TMEM117: variants seen among roughly 807,000 people sequenced by gnomAD.
TMEM117 encodes transmembrane protein 117.
In TMEM117, 27 loss-of-function variants were observed where a neutral mutation model predicts 52.4. The ratio of observed to expected loss-of-function variants is 0.51; its 90% CI spans 0.38 to 0.71. The LOEUF (loss-of-function observed/expected upper bound fraction) is 0.71. Among genes scored for constraint, TMEM117 ranks in the 30% least tolerant of loss-of-function variants. TMEM117 has a pLI of 0.00. For synonymous variants in TMEM117, 215 were observed against 206.3 expected (o/e 1.04, Z -0.36); for missense variants, 556 against 630.5 (o/e 0.88, Z 1.26).
chr12:44,049,934 G>A (rs1946943287), intron 3 of TMEM117, among the ~76,000 whole-genome samples: 1 of 152,134 alleles, frequency 6.6e-6, no homozygotes, highest in Non-Finnish European at 1.5e-5. Flanking sequence ...GAGTAATAAA[G>A]TTTTATTTTA....
chr12:43,913,744 C>T (rs546898483), intron 2 of TMEM117, among the ~76,000 whole-genome samples: 35 of 152,132 alleles, frequency 2.3e-4, no homozygotes, highest in Non-Finnish European at 3.8e-4. Flanking sequence ...CACAGAATCA[C>T]ACAACATGCT....
chr12:44,030,777 A>G (rs1324574846), intron 3 of TMEM117, among the ~76,000 whole-genome samples: 1 of 152,216 alleles, frequency 6.6e-6, no homozygotes, highest in African/African-American at 2.4e-5. Flanking sequence ...AAATGAGTTA[A>G]GTTAAATAGG....
chr12:43,906,807 C>T (rs533303438), intron 2 of TMEM117, among the ~76,000 whole-genome samples: 1 of 152,368 alleles, frequency 6.6e-6, no homozygotes, highest in South Asian at 2.1e-4. Flanking sequence ...AAACGGCGCA[C>T]CAGGAGATTA....
intron 3 of TMEM117, among the ~76,000 whole-genome samples, chr12:44,141,984 T>C (rs1487238244): frequency 6.6e-6 from 1 of 152,230 alleles, no homozygotes; most frequent in African/African-American, 2.4e-5. Context: ...TTGTGTTTTA[T>C]ATCTTCACTA....
chr12:44,142,305 G>T (rs892798202), intron 3 of TMEM117, among the ~76,000 whole-genome samples: 2 of 152,098 alleles, frequency 1.3e-5, no homozygotes, highest in African/African-American at 4.8e-5. Flanking sequence ...CCAGAATTTT[G>T]GGGTTGTCCT....
the TMEM117 span, among the ~76,000 whole-genome samples, chr12:43,821,971 C>A: frequency 6.6e-6 from 1 of 152,148 alleles, no homozygotes; most frequent in South Asian, 2.1e-4. Context: ...GTGGGTGTGA[C>A]CATGTTGTTG....
chr12:43,800,416 C>T, the TMEM117 span: 1 of 1,577,180 alleles, frequency 6.3e-7, no homozygotes, highest in South Asian at 1.1e-5. Flanking sequence ...CATATAGAAT[C>T]CACATACAAA....
At chr12:43,820,638 G>A in the TMEM117 span, among the ~76,000 whole-genome samples, 1 of 150,224 alleles carries the variant, frequency 6.7e-6, no homozygotes, top group African/African-American at 2.5e-5. Flanking sequence ...TATGTAGCAA[G>A]CATTGTTATT....
chr12:43,802,507 A>G, the TMEM117 span: 1 of 1,419,278 alleles, frequency 7.0e-7, no homozygotes, highest in Non-Finnish European at 9.8e-7. Flanking sequence ...ATGGTTTGAG[A>G]TATCAAGTGG....
intron 3 of TMEM117, among the ~76,000 whole-genome samples, chr12:43,949,348 TCTC>T (rs1945184190): frequency 6.6e-6 from 1 of 152,208 alleles, no homozygotes; most frequent in African/African-American, 2.4e-5. Context: ...TTGCATTTCT[TCTC>T]CGCTGATTCT....
chr12:44,048,175 T>A (rs568271905), intron 3 of TMEM117, among the ~76,000 whole-genome samples: 13 of 152,304 alleles, frequency 8.5e-5, no homozygotes, highest in Non-Finnish European at 1.6e-4. Context: ...TACACTCTTA[T>A]AGTTAGAGAT....
rs771194356 is a variant in TMEM117, at chr12:44,032,095, A to G, written c.410+87753A>G. Among the ~76,000 whole-genome samples the G allele has an allele frequency of 9.7e-4, 148 of 152,214 alleles. 2 individuals are homozygous for G. The highest frequency in any genetic ancestry group is 1.3e-3 in the Non-Finnish European group (87 of 68,032). ...ACTCAACTCATAGGTATTTGATGGT[A>G]CAAACCCATGGCTGTGCTCAGCTTT... On this transcript the variant is annotated intron_variant, in intron 3 of 7. Transcript: ENST00000266534.
At chr12:44,140,986 T>C (rs947910607) in intron 3 of TMEM117, among the ~76,000 whole-genome samples, 1 of 152,166 alleles carries the variant, frequency 6.6e-6, no homozygotes, top group Non-Finnish European at 1.5e-5. Context: ...CACTAGGATC[T>C]TGGCTCCTTA....
downstream of TMEM117, among the ~76,000 whole-genome samples, chr12:44,393,860 T>A (rs942621002): frequency 6.6e-6 from 1 of 152,202 alleles, no homozygotes; most frequent in Admixed American, 6.6e-5. Context: ...TGTTTTGATT[T>A]AAGCTACATT....
intron 2 of TMEM117, among the ~76,000 whole-genome samples, chr12:43,937,631 G>A (rs1463617679): frequency 6.6e-6 from 1 of 152,170 alleles, no homozygotes; most frequent in African/African-American, 2.4e-5. Context: ...GAGGAGAGCA[G>A]CTTAAAGAAC....
At chr12:43,968,183 C>T (rs1483013390) in intron 3 of TMEM117, among the ~76,000 whole-genome samples, 1 of 152,144 alleles carries the variant, frequency 6.6e-6, no homozygotes, top group Non-Finnish European at 1.5e-5. Context: ...GCAAATTTTT[C>T]CTGTGAGTTT....
intron 6 of TMEM117, among the ~76,000 whole-genome samples, chr12:44,342,406 G>A (rs1951429506): frequency 6.6e-6 from 1 of 152,126 alleles, no homozygotes; most frequent in African/African-American, 2.4e-5. Context: ...TGGTAAAGCA[G>A]CTTTGGTCTG....
At chr12:43,929,247 G>T (rs188467281) in intron 2 of TMEM117, among the ~76,000 whole-genome samples, 2 of 151,962 alleles carry the variant, frequency 1.3e-5, no homozygotes, top group Admixed American at 1.3e-4. Flanking sequence ...TTTACCTTCT[G>T]TCTTTAGTTC....
At chr12:44,326,771 G>A (rs763325472) in intron 6 of TMEM117, among the ~76,000 whole-genome samples, 67 of 152,160 alleles carry the variant, frequency 4.4e-4, no homozygotes, top group Non-Finnish European at 7.3e-4. Flanking sequence ...CCTCATTGGG[G>A]AACTTCACCA....
Sources: gnomAD v4.1 joint callset for allele counts (sites outside exome capture counted in the v4.1 genomes callset) on GRCh38, gnomAD v4.1.1 for gene constraint, MANE v1.5 for transcripts, NCBI Gene and HGNC (gene_info 2026-07-23, HGNC 2026-07-21) for gene names.